MYO5B: variants seen among roughly 807,000 people sequenced by gnomAD.
MYO5B encodes myosin VB.
A neutral mutation model predicts 229.3 loss-of-function variants in MYO5B; 143 were observed. The ratio of observed to expected loss-of-function variants is 0.62; its 90% confidence interval spans 0.54 to 0.72. MYO5B has a LOEUF of 0.72. Ranked by LOEUF, MYO5B falls within the 30% of genes least tolerant of loss-of-function variation. The pLI is 0.00. For synonymous variants in MYO5B, 918 were observed against 885.2 expected, an observed-to-expected ratio of 1.04 and a Z score of -0.66; for missense variants, 2,321 against 2,331.0, an observed-to-expected ratio of 1.00 and a Z score of 0.09.
chr18:50,069,773 C>T (rs954674717), intron 1 of MYO5B, among the ~76,000 whole-genome samples: 1 of 152,196 alleles, frequency 6.6e-6, no homozygotes, highest in African/African-American at 2.4e-5. Flanking sequence ...AAACTGAACC[C>T]AGAAATAGAC....
At chr18:50,090,336 C>T (rs1002638375) in intron 1 of MYO5B, among the ~76,000 whole-genome samples, 6 of 40,194 alleles carry the variant, frequency 1.5e-4, no homozygotes, top group Non-Finnish European at 3.2e-4. Flanking sequence ...GAGCAAGACC[C>T]TCAAAAAAAA....
Position 50,068,394 on chromosome 18 carries a change from A to C in MYO5B, c.28-13016T>G, listed in dbSNP as rs142302641. Among the ~76,000 whole-genome samples the C allele has an allele frequency of 3.2e-3, 491 of 152,320 alleles. 2 individuals carry two copies. The highest frequency in any genetic ancestry group is 0.011 in the African/African-American group (457 of 41,580). ...GGACACATCCCAGATCTACAGCATTAGTTTTCCCCAGTGGCCCCTGCCATT... is the reference window on the plus strand; with the variant it reads ...GGACACATCCCAGATCTACAGCATTCGTTTTCCCCAGTGGCCCCTGCCATT... On this transcript the variant is annotated intron_variant, in intron 1 of 39. Transcript: ENST00000285039.
intron 10 of MYO5B, among the ~76,000 whole-genome samples, chr18:49,967,582 T>A (rs1191230449): frequency 6.6e-6 from 1 of 152,136 alleles, no homozygotes; most frequent in Non-Finnish European, 1.5e-5. Context: ...TTATTAGAAG[T>A]CACACAGAAA....
chr18:49,931,461 G>A (rs2025190921), intron 16 of MYO5B, among the ~76,000 whole-genome samples: 1 of 152,110 alleles, frequency 6.6e-6, no homozygotes, highest in South Asian at 2.1e-4. Flanking sequence ...GAGGCACAAC[G>A]GAACACTGAT....
At chr18:49,963,641 TG>T (rs2025588905) in intron 10 of MYO5B, among the ~76,000 whole-genome samples, 1 of 152,106 alleles carries the variant, frequency 6.6e-6, no homozygotes. Flanking sequence ...TTGTCCAAGC[TG>T]GTCTCGAACT....
chr18:49,905,082 A>C (rs1314134125), intron 19 of MYO5B, among the ~76,000 whole-genome samples: 1 of 152,176 alleles, frequency 6.6e-6, no homozygotes, highest in East Asian at 1.9e-4. Context: ...ACTCAGTCAG[A>C]GTCTGACTTC....
chr18:49,954,461 G>A (rs771569413), intron 12 of MYO5B, 26 bp from the exon 13 acceptor site: 46 of 1,613,612 alleles, frequency 2.9e-5, no homozygotes, highest in Non-Finnish European at 3.5e-5. Flanking sequence ...ATAGGGCAGA[G>A]CGCTTTGTGA....
chr18:49,980,486 C>T lies in MYO5B; in HGVS notation c.1014G>A (p.Val338=), dbSNP rs1309984627. 8 of 1,613,890 alleles carry T rather than the reference C, an allele frequency of 5.0e-6. No individual in the cohort carries two copies. In the Middle Eastern group the frequency reaches 6.6e-4, roughly 133 times the overall value. ...IIASILHLGS[V]AIQAERDGDS... ...CACCATCACGCTCAGCCTGAATCGC[C>T]ACACTTCCAAGGTGCAAGATAGAAG... The change falls in exon 9 of 40, where the codon GTG becomes GTA. Residue 338 remains valine (V), a synonymous_variant. Coordinates refer to ENST00000285039, the MANE Select transcript of MYO5B (RefSeq NM_001080467.3).
chr18:49,844,880 C>G (rs1009444630), intron 33 of MYO5B, among the ~76,000 whole-genome samples: 1 of 152,202 alleles, frequency 6.6e-6, no homozygotes, highest in Non-Finnish European at 1.5e-5. Flanking sequence ...GGGGAAGAGA[C>G]GATGACACTA....
At position 49,929,528 on chromosome 18, in the gene MYO5B, C is replaced by T; in HGVS notation, c.2074G>A (p.Ala692Thr). 1.2e-6 allele frequency: 2 copies of T among 1,607,792 alleles called. No homozygotes were observed. Among genetic ancestry groups the T allele is most frequent in the South Asian group, 1.1e-5 (1 of 90,114 alleles). The change falls in exon 17 of 40, where the codon GCT (alanine) becomes ACT (threonine). Residue 692 changes from alanine (A) to threonine (T), a missense_variant. By Grantham distance (58) the Ala-to-Thr change is moderately conservative. This residue lies in a region of MYO5B where 2,113 missense variants were observed against 2,044.7 expected (regional missense o/e 1.03). Transcript: ENST00000285039. The part of the protein sequence containing the change: ...GVLETIRISA[A>T]GYPSRWAYHD... ...GTTAGTTACCTGGATGGGTAGCCAG[C>T]TGCACTGATTCGAATCGTCTCCAAC... is the stretch of plus-strand genomic sequence containing the variant.
chr18:49,828,912 A>T (rs1310595502), intron 39 of MYO5B, among the ~76,000 whole-genome samples: 1 of 119,888 alleles, frequency 8.3e-6, no homozygotes, highest in African/African-American at 3.0e-5. Context: ...TGTCTACATT[A>T]AAAAAAAAAA....
intron 8 of MYO5B, among the ~76,000 whole-genome samples, chr18:49,981,087 C>T (rs1243985006): frequency 1.3e-5 from 2 of 152,228 alleles, no homozygotes; most frequent in African/African-American, 4.8e-5. Context: ...AGCAGCTGTT[C>T]GCCACACTAT....
chr18:49,872,250 C>CAAAG lies in MYO5B; in HGVS notation c.3538-22_3538-19dup, dbSNP rs2144094146. 6.2e-7 allele frequency: 1 copy of CAAAG among 1,613,468 alleles called. No homozygotes were observed. ...GGTTCCGCCTGCATGGATAGAGACA[C>CAAAG]AAAGATAAGTGCAGACCTCGAGCAA... On this transcript the variant is annotated intron_variant, in intron 26 of 39. Transcript: ENST00000285039.
intron 10 of MYO5B, among the ~76,000 whole-genome samples, chr18:49,968,076 G>T (rs2025646772): frequency 6.6e-6 from 1 of 152,190 alleles, no homozygotes; most frequent in African/African-American, 2.4e-5. Context: ...TATGAAGGCT[G>T]TAAAGATGAG....
At chr18:50,089,547 G>A (rs1195481279) in intron 1 of MYO5B, among the ~76,000 whole-genome samples, 2 of 145,952 alleles carry the variant, frequency 1.4e-5, no homozygotes, top group Admixed American at 1.4e-4. Flanking sequence ...AGACCAGCCT[G>A]AGCAATAAAG....
intron 1 of MYO5B, among the ~76,000 whole-genome samples, chr18:50,092,923 G>A (rs1431968589): frequency 3.3e-5 from 5 of 152,136 alleles, no homozygotes; most frequent in African/African-American, 1.2e-4. Context: ...ATGACTGACA[G>A]ATTTGACAGC....
At chr18:50,010,626 T>C (rs2144341836) in intron 4 of MYO5B, among the ~76,000 whole-genome samples, 1 of 152,348 alleles carries the variant, frequency 6.6e-6, no homozygotes, top group East Asian at 1.9e-4. Context: ...CAAAATACAC[T>C]GGAATTCAGA....
chr18:49,837,607 T>G lies in MYO5B; in HGVS notation c.5048A>C (p.Lys1683Thr). 1.2e-6 allele frequency: 2 copies of G among 1,613,946 alleles called. No individual in the cohort carries two copies. The highest frequency in any genetic ancestry group is 1.7e-6 in the Non-Finnish European group (2 of 1,179,846). The change falls in exon 37 of 40, where the codon AAA becomes ACA. Residue 1683 changes from lysine (K) to threonine (T), a missense_variant. Transcript: ENST00000285039. The stretch of plus-strand genomic sequence containing the variant: ...TGCGTTGATCATGTAGAAGAGCTGT[T>G]TGAATACCTGCAGGATGATCTCAGG... Reference protein sequence around the residue: ...LDPEIILQVFKQLFYMINAVT... With the variant: ...LDPEIILQVFTQLFYMINAVT...
rs116299572 is a variant in MYO5B, at chr18:50,022,274, G to A, written c.455+14576C>T. ...TGCCTTAGGGAAGATGTATAACTCC[G>A]CTGTGATTCCACTGCCAAATCTATA... On this transcript the variant is annotated intron_variant, in intron 4 of 39. Coordinates refer to ENST00000285039, the MANE Select transcript of MYO5B (RefSeq NM_001080467.3). Among the ~76,000 whole-genome samples the A allele has an allele frequency of 5.8e-3, 876 of 152,254 alleles. 7 individuals are homozygous for A. The highest frequency in any genetic ancestry group is 0.019 in the African/African-American group (806 of 41,540).
Sources: allele counts gnomAD v4.1 joint callset (sites outside exome capture counted in the v4.1 genomes callset), GRCh38; gene constraint gnomAD v4.1.1; regional missense constraint gnomAD v4.1.1; transcripts MANE v1.5; gene names NCBI Gene and HGNC (gene_info 2026-07-23, HGNC 2026-07-21).